The following CSGALNACT1 variants were observed in gnomAD, a reference collection of about 807,000 sequenced individuals.
The protein encoded by CSGALNACT1 is chondroitin sulfate N-acetylgalactosaminyltransferase 1.
In CSGALNACT1, 52 loss-of-function variants were observed where a neutral mutation model predicts 51.0. The observed-to-expected ratio is 1.02, with a 90% CI of 0.82 to 1.29. CSGALNACT1 has a LOEUF of 1.29. Ranked by LOEUF, CSGALNACT1 falls within the 50% of genes most tolerant of loss-of-function variation. The pLI is 0.00. For synonymous variants in CSGALNACT1, 341 were observed against 254.4 expected, an observed-to-expected ratio of 1.34 and a Z score of -3.24; for missense variants, 935 against 679.2, an observed-to-expected ratio of 1.38 and a Z score of -4.19.
At chr8:19,480,102 A>G (rs1035050783) in intron 4 of CSGALNACT1, among the ~76,000 whole-genome samples, 2 of 152,160 alleles carry the variant, frequency 1.3e-5, no homozygotes, top group South Asian at 4.1e-4. Flanking sequence ...CAAGTCATGT[A>G]TTTTATTTTT....
chr8:19,542,277 G>GA (rs1010793799), intron 3 of CSGALNACT1, among the ~76,000 whole-genome samples: 11 of 150,754 alleles, frequency 7.3e-5, no homozygotes, highest in African/African-American at 2.2e-4. Context: ...AAGCTCAAAG[G>GA]AAAGCCATTG....
At chr8:19,481,280 C>G (rs778388231) in intron 4 of CSGALNACT1, among the ~76,000 whole-genome samples, 2 of 152,114 alleles carry the variant, frequency 1.3e-5, no homozygotes, top group Non-Finnish European at 2.9e-5. Context: ...ATAGTCTGCC[C>G]CATACTCCTG....
At chr8:19,656,341 T>A (rs191639598) in intron 1 of CSGALNACT1, among the ~76,000 whole-genome samples, 4 of 152,218 alleles carry the variant, frequency 2.6e-5, no homozygotes, top group African/African-American at 7.2e-5. Context: ...GGACCTCTAG[T>A]CCAATTCACC....
At chr8:19,618,653 A>AAAAGAAAG (rs71545557) in intron 1 of CSGALNACT1, among the ~76,000 whole-genome samples, 5 of 91,352 alleles carry the variant, frequency 5.5e-5, no homozygotes, top group African/African-American at 2.9e-4. Context: ...AAAAAAAAAA[A>AAAAGAAAG]AAAGAAAGAA....
intron 2 of CSGALNACT1, among the ~76,000 whole-genome samples, chr8:19,597,285 C>CTT (rs35177349): frequency 1.7e-4 from 11 of 64,528 alleles, no homozygotes; most frequent in African/African-American, 2.8e-4. Context: ...TATCTTCTTT[C>CTT]TTTTTTTTTT....
chr8:19,512,009 C>A (rs1273959637), intron 3 of CSGALNACT1, among the ~76,000 whole-genome samples: 1 of 152,210 alleles, frequency 6.6e-6, no homozygotes, highest in Non-Finnish European at 1.5e-5. Context: ...CCACCAGGTC[C>A]CTCCCTCAAT....
intron 4 of CSGALNACT1, among the ~76,000 whole-genome samples, chr8:19,493,440 A>C (rs1284863380): frequency 6.7e-6 from 1 of 148,736 alleles, no homozygotes; most frequent in Non-Finnish European, 1.5e-5. Flanking sequence ...TTTAGAGACT[A>C]TTGCGTCTTC....
chr8:19,677,042 A>T (rs2060245448), intron 1 of CSGALNACT1, among the ~76,000 whole-genome samples: 1 of 152,202 alleles, frequency 6.6e-6, no homozygotes, highest in Non-Finnish European at 1.5e-5. Context: ...GAGGGAGTGT[A>T]GAAAATTCTT....
At chr8:19,407,323 G>C (rs1179005384) in intron 9 of CSGALNACT1, among the ~76,000 whole-genome samples, 1 of 152,072 alleles carries the variant, frequency 6.6e-6, no homozygotes, top group Non-Finnish European at 1.5e-5. Flanking sequence ...TTAGGTCTTG[G>C]ACCTGAGGGG....
Position 19,433,184 on chromosome 8 carries a change from C to G in CSGALNACT1, c.953+6646G>C, listed in dbSNP as rs142214512. On this transcript the variant is annotated intron_variant, in intron 6 of 9. Coordinates refer to ENST00000454498, the Ensembl canonical transcript of CSGALNACT1. ...CAGCTAATGAGTGGACAACATTTTC[C>G]TTAAATGACTGGAACCAGTAAGTCT... is the stretch of plus-strand genomic sequence containing the variant. 1.9e-3 allele frequency among the ~76,000 whole-genome samples: 293 copies of G among 152,200 alleles called. 2 individuals carry two copies. The highest frequency in any genetic ancestry group is 6.8e-3 in the African/African-American group (283 of 41,536).
At chr8:19,706,045 C>T (rs1042694088) in intron 1 of CSGALNACT1, among the ~76,000 whole-genome samples, 15 of 152,106 alleles carry the variant, frequency 9.9e-5, no homozygotes, top group African/African-American at 2.4e-5. Context: ...TAAACCCAGA[C>T]ATGGAAAAAT....
chr8:19,634,669 T>C (rs960190575), intron 1 of CSGALNACT1, among the ~76,000 whole-genome samples: 4 of 152,116 alleles, frequency 2.6e-5, no homozygotes, highest in African/African-American at 9.7e-5. Flanking sequence ...TCAATATTTT[T>C]TTTAAAAAAG....
chr8:19,646,194 G>A (rs1238222251), intron 1 of CSGALNACT1, among the ~76,000 whole-genome samples: 1 of 152,114 alleles, frequency 6.6e-6, no homozygotes, highest in Non-Finnish European at 1.5e-5. Flanking sequence ...AAAAATACTA[G>A]AAATACAAGA....
intron 1 of CSGALNACT1, among the ~76,000 whole-genome samples, chr8:19,655,594 ATATT>A (rs956379640): frequency 7.1e-6 from 1 of 141,598 alleles, no homozygotes; most frequent in African/African-American, 2.6e-5. Context: ...ATATATATAT[ATATT>A]TGCAGAGACA....
chr8:19,508,995 G>A (rs551352288), intron 3 of CSGALNACT1, among the ~76,000 whole-genome samples: 38 of 152,114 alleles, frequency 2.5e-4, no homozygotes, highest in Admixed American at 7.9e-4. Flanking sequence ...AAGAAAAAGT[G>A]GAAAAGACAG....
intron 8 of CSGALNACT1, among the ~76,000 whole-genome samples, chr8:19,414,245 G>C (rs546184680): frequency 6.6e-6 from 1 of 152,130 alleles, no homozygotes; most frequent in African/African-American, 2.4e-5. Context: ...AAAACTGAAT[G>C]AATCTGTGAT....
chr8:19,650,516 T>C (rs1453633058), intron 1 of CSGALNACT1, among the ~76,000 whole-genome samples: 1 of 152,136 alleles, frequency 6.6e-6, no homozygotes, highest in East Asian at 1.9e-4. Flanking sequence ...CTAAATCAAA[T>C]GCAATCCAAT....
intron 1 of CSGALNACT1, among the ~76,000 whole-genome samples, chr8:19,613,498 T>C (rs1479213050): frequency 6.6e-6 from 1 of 152,264 alleles, no homozygotes; most frequent in African/African-American, 2.4e-5. Context: ...TGAGTCCAGA[T>C]ATCTGTCATT....
intron 1 of CSGALNACT1, among the ~76,000 whole-genome samples, chr8:19,710,592 G>A (rs188200017): frequency 2.9e-4 from 44 of 152,228 alleles, no homozygotes; most frequent in Admixed American, 4.6e-4. Context: ...TAGTTCTAGG[G>A]TAGGGAGTGG....
Sources: allele counts gnomAD v4.1 joint callset (sites outside exome capture counted in the v4.1 genomes callset), GRCh38; gene constraint gnomAD v4.1.1; transcripts MANE v1.5; gene names NCBI Gene and HGNC (gene_info 2026-07-23, HGNC 2026-07-21).